COMMD1: variants seen among roughly 807,000 people sequenced by gnomAD.
COMMD1 encodes COMM domain-containing protein 1.
Under a neutral mutation model 17.2 loss-of-function variants are expected in COMMD1, and 10 were observed. The observed-to-expected ratio is 0.58, with a 90% CI of 0.36 to 0.99. The LOEUF (loss-of-function observed/expected upper bound fraction) is 0.99. Ranked by LOEUF, COMMD1 falls within the 50% of genes least tolerant of loss-of-function variation. The pLI is 0.01. For missense variants in COMMD1, 270 were observed against 231.8 expected, an observed-to-expected ratio of 1.17 and a Z score of -1.07; for synonymous variants, 97 against 91.6, an observed-to-expected ratio of 1.06 and a Z score of -0.34.
intron 1 of COMMD1, among the ~76,000 whole-genome samples, chr2:61,906,777 G>A (rs1465135982): frequency 1.3e-5 from 2 of 151,972 alleles, no homozygotes; most frequent in African/African-American, 4.8e-5. Context: ...GGACACCCAT[G>A]GTAAAGATTT....
chr2:62,109,993 G>A (rs1013652268), intron 2 of COMMD1, among the ~76,000 whole-genome samples: 3 of 124,962 alleles, frequency 2.4e-5, no homozygotes, highest in African/African-American at 3.2e-5. Context: ...TTAAACTCCT[G>A]ACCTCAAGTG....
At chr2:61,895,789 A>G (rs1041270266) in intron 1 of COMMD1, among the ~76,000 whole-genome samples, 2 of 152,178 alleles carry the variant, frequency 1.3e-5, no homozygotes, top group Non-Finnish European at 2.9e-5. Flanking sequence ...GCTTACCAGG[A>G]AACAGGAGGA....
intron 2 of COMMD1, among the ~76,000 whole-genome samples, chr2:62,020,885 C>T (rs950568330): frequency 6.6e-6 from 1 of 152,092 alleles, no homozygotes. Context: ...TGCCTGTAAT[C>T]CCAGCTACTC....
intron 2 of COMMD1, among the ~76,000 whole-genome samples, chr2:62,120,534 T>C (rs1002022106): frequency 6.6e-6 from 1 of 152,186 alleles, no homozygotes; most frequent in African/African-American, 2.4e-5. Flanking sequence ...TTATTTCTCC[T>C]TCAGTGTGAT....
chr2:62,113,779 A>G (rs1186161966), intron 2 of COMMD1, among the ~76,000 whole-genome samples: 1 of 152,256 alleles, frequency 6.6e-6, no homozygotes, highest in South Asian at 2.1e-4. Flanking sequence ...CAGTTGTTTA[A>G]TAAGTATTTC....
At chr2:62,130,410 GATTAC>G in intron 2 of COMMD1, among the ~76,000 whole-genome samples, 1 of 152,066 alleles carries the variant, frequency 6.6e-6, no homozygotes, top group Admixed American at 6.5e-5. Context: ...AAGTAGCTGC[GATTAC>G]AGGTGCACAC....
chr2:62,098,723 C>A (rs1672090257), intron 2 of COMMD1, among the ~76,000 whole-genome samples: 1 of 152,214 alleles, frequency 6.6e-6, no homozygotes, highest in South Asian at 2.1e-4. Flanking sequence ...ATCTGTGGTA[C>A]AGTTTCACAG....
At chr2:62,100,724 A>G (rs760961793) in intron 2 of COMMD1, among the ~76,000 whole-genome samples, 2 of 152,206 alleles carry the variant, frequency 1.3e-5, no homozygotes, top group Non-Finnish European at 2.9e-5. Context: ...GTCTTATAGT[A>G]GCTGCCCTCA....
intron 2 of COMMD1, among the ~76,000 whole-genome samples, chr2:62,012,718 G>A (rs557593934): frequency 1.3e-5 from 2 of 152,252 alleles, no homozygotes; most frequent in South Asian, 4.1e-4. Flanking sequence ...CTGTCAGTAA[G>A]AAGTAGCAAG....
intron 2 of COMMD1, among the ~76,000 whole-genome samples, chr2:62,126,322 T>C (rs1010953713): frequency 6.6e-6 from 1 of 152,186 alleles, no homozygotes; most frequent in Admixed American, 6.5e-5. Context: ...GTATTTCTGG[T>C]TCTAGATCTT....
intron 2 of COMMD1, 149 bp downstream of exon 2, chr2:62,001,131 A>C (rs1668928603): frequency 1.3e-6 from 1 of 799,064 alleles, no homozygotes; most frequent in Non-Finnish European, 2.0e-6. Context: ...TCATCTGAAA[A>C]TTTGGATACT....
intron 1 of COMMD1, among the ~76,000 whole-genome samples, chr2:61,963,725 G>T (rs1671431924): frequency 6.6e-6 from 1 of 152,196 alleles, no homozygotes; most frequent in Admixed American, 6.5e-5. Flanking sequence ...TCTTTTAGAA[G>T]GATAGTACCC....
At chr2:61,914,308 C>G (rs1294771675) in intron 1 of COMMD1, among the ~76,000 whole-genome samples, 1 of 152,168 alleles carries the variant, frequency 6.6e-6, no homozygotes, top group African/African-American at 2.4e-5. Context: ...GTTCTTTAGA[C>G]TCCTGAGATC....
At chr2:61,898,914 A>T (rs1248431532) in intron 1 of COMMD1, among the ~76,000 whole-genome samples, 2 of 152,170 alleles carry the variant, frequency 1.3e-5, no homozygotes, top group Non-Finnish European at 2.9e-5. Flanking sequence ...AATAAAATAA[A>T]ACTTTGTACT....
chr2:62,000,431 A>T (rs574195161), intron 1 of COMMD1, among the ~76,000 whole-genome samples: 1 of 151,756 alleles, frequency 6.6e-6, no homozygotes, highest in Non-Finnish European at 1.5e-5. Context: ...CTGTTATTGC[A>T]TATATACCAC....
chr2:61,941,532 A>G (rs752368610), intron 1 of COMMD1, among the ~76,000 whole-genome samples: 4 of 152,230 alleles, frequency 2.6e-5, no homozygotes, highest in African/African-American at 4.8e-5. Flanking sequence ...TATGGCTTGC[A>G]TATGAAGCAT....
At chr2:61,977,856 G>T (rs1671848057) in intron 1 of COMMD1, among the ~76,000 whole-genome samples, 1 of 151,622 alleles carries the variant, frequency 6.6e-6, no homozygotes. Flanking sequence ...GGGGGTGGTG[G>T]TGTGTGCCTG....
chr2:62,097,646 G>A (rs1558598352), intron 2 of COMMD1, among the ~76,000 whole-genome samples: 1 of 152,128 alleles, frequency 6.6e-6, no homozygotes, highest in Non-Finnish European at 1.5e-5. Context: ...ATAAGAAAAA[G>A]GTGATGCCTC....
intron 2 of COMMD1, among the ~76,000 whole-genome samples, chr2:62,035,672 G>A (rs1670018049): frequency 6.7e-6 from 1 of 150,080 alleles, no homozygotes. Context: ...CCAGGAGGTT[G>A]TGGCTGCAGT....
Sources: allele counts gnomAD v4.1 joint callset (sites outside exome capture counted in the v4.1 genomes callset), GRCh38; gene constraint gnomAD v4.1.1; transcripts MANE v1.5; gene names NCBI Gene and HGNC (gene_info 2026-07-23, HGNC 2026-07-21).